The following CD2AP variants were observed in gnomAD, a reference collection of about 807,000 sequenced individuals.
CD2AP encodes the protein CD2 associated protein.
In CD2AP, 46 loss-of-function variants were observed where a neutral mutation model predicts 85.1. The observed-to-expected ratio is 0.54, with a 90% confidence interval of 0.43 to 0.69. CD2AP has a LOEUF of 0.69. Ranked by LOEUF, CD2AP falls within the 30% of genes least tolerant of loss-of-function variation. The pLI is 0.00. For missense variants in CD2AP, 769 were observed against 729.5 expected, an observed-to-expected ratio of 1.05 and a Z score of -0.62; for synonymous variants, 255 against 252.9, an observed-to-expected ratio of 1.01 and a Z score of -0.08.
chr6:47,620,916 T>G (rs1169559311), intron 17 of CD2AP, among the ~76,000 whole-genome samples: 1 of 152,206 alleles, frequency 6.6e-6, no homozygotes, highest in East Asian at 1.9e-4. Context: ...TTCGCTGAAT[T>G]GTTTTATCAG....
In CD2AP at chr6:47,538,051, A is replaced by G. The variant is rs115100602; in HGVS notation, c.319+4296A>G. On this transcript the variant is annotated intron_variant, in intron 3 of 17. Coordinates refer to ENST00000359314, the MANE Select transcript of CD2AP (RefSeq NM_012120.3). Reference sequence around the variant, plus strand: ...CAGACCCAAGCCACTGCTCCGGGCAAGAAAATTTTTTAAAAAGATACGACT... The same window carrying G: ...CAGACCCAAGCCACTGCTCCGGGCAGGAAAATTTTTTAAAAAGATACGACT... 7.9e-3 allele frequency among the ~76,000 whole-genome samples: 1,201 copies of G among 151,952 alleles called. 14 individuals are homozygous for G. Among genetic ancestry groups the G allele is most frequent in the African/African-American group, 0.027 (1,121 of 41,466 alleles).
chr6:47,515,161 A>T (rs899755810), intron 2 of CD2AP, among the ~76,000 whole-genome samples: 1 of 152,176 alleles, frequency 6.6e-6, no homozygotes, highest in African/African-American at 2.4e-5. Flanking sequence ...TGATAAAAAG[A>T]TAATTAGGCA....
intron 3 of CD2AP, among the ~76,000 whole-genome samples, chr6:47,537,424 T>G (rs1767081426): frequency 6.6e-6 from 1 of 152,124 alleles, no homozygotes; most frequent in South Asian, 2.1e-4. Context: ...CCCTACCCTC[T>G]TGAACAGGGT....
intron 13 of CD2AP, among the ~76,000 whole-genome samples, chr6:47,603,199 T>C (rs1348919361): frequency 6.6e-6 from 1 of 152,070 alleles, no homozygotes; most frequent in East Asian, 1.9e-4. Flanking sequence ...ATTAAAGACT[T>C]GTAAGTACCA....
intron 3 of CD2AP, among the ~76,000 whole-genome samples, chr6:47,538,647 G>A (rs995173727): frequency 2.0e-5 from 3 of 152,116 alleles, no homozygotes; most frequent in Non-Finnish European, 2.9e-5. Context: ...ACCAAAAATT[G>A]GGTCAAAAAT....
At chr6:47,568,373 T>C (rs1002933118) in intron 5 of CD2AP, among the ~76,000 whole-genome samples, 2 of 152,176 alleles carry the variant, frequency 1.3e-5, no homozygotes, top group Non-Finnish European at 2.9e-5. Flanking sequence ...GTCAGTTGTC[T>C]ATGGGTCTGA....
At chr6:47,596,084 G>A (rs1014208377) in intron 12 of CD2AP, 58 bp downstream of exon 12, 14 of 1,210,510 alleles carry the variant, frequency 1.2e-5, no homozygotes, top group Non-Finnish European at 1.7e-5. Flanking sequence ...GACCTTAATG[G>A]CTCTATTGCC....
chr6:47,574,210 A>G lies in CD2AP; in HGVS notation c.688A>G (p.Arg230Gly), dbSNP rs1582577571. 1 of 1,614,120 alleles carries G rather than the reference A, an allele frequency of 6.2e-7. No homozygotes were observed. The highest frequency in any genetic ancestry group is 1.1e-5 in the South Asian group (1 of 91,086). The change falls in exon 6 of 18, where the codon AGA becomes GGA. Residue 230 changes from arginine to glycine, a missense_variant. Transcript: ENST00000359314. ...AGAAGGCTCTGTGAAACTTCGGACAAGAACATCCAGTAGTGAAACAGAAGA... is the reference window on the plus strand; with the variant it reads ...AGAAGGCTCTGTGAAACTTCGGACAGGAACATCCAGTAGTGAAACAGAAGA... ...FKEGSVKLRT[R>G]TSSSETEEKK...
chr6:47,560,437 T>A (rs1373899960), intron 5 of CD2AP, among the ~76,000 whole-genome samples: 2 of 152,176 alleles, frequency 1.3e-5, no homozygotes, highest in Non-Finnish European at 2.9e-5. Flanking sequence ...TACATGGAAT[T>A]TATTTCCAGT....
At chr6:47,510,366 A>G (rs1256120521) in intron 2 of CD2AP, among the ~76,000 whole-genome samples, 2 of 152,164 alleles carry the variant, frequency 1.3e-5, no homozygotes, top group Admixed American at 6.5e-5. Flanking sequence ...TTGATTTCCA[A>G]ATACCATTCT....
rs778096477 is a variant in CD2AP, at chr6:47,599,261, T to A, written c.1275-40T>A. On this transcript the variant is annotated intron_variant, in intron 12 of 17. Transcript: ENST00000359314. ...ATCACAATTTAAAAAAAAGTCGTGT[T>A]TCATACTAGTGATTTTTGCGTGTTT... 5.7e-6 allele frequency: 9 copies of A among 1,581,322 alleles called. No homozygotes were observed. In the African/African-American group the frequency reaches 8.1e-5, roughly 14 times the overall value.
At chr6:47,610,265 A>C (rs1295227398) in intron 16 of CD2AP, among the ~76,000 whole-genome samples, 1 of 152,132 alleles carries the variant, frequency 6.6e-6, no homozygotes, top group Admixed American at 6.6e-5. Context: ...ACTTGTTCAC[A>C]TTTTAAGCAC....
chr6:47,541,608 T>A (rs963627571), intron 3 of CD2AP, among the ~76,000 whole-genome samples: 1 of 152,258 alleles, frequency 6.6e-6, no homozygotes, highest in African/African-American at 2.4e-5. Context: ...TGGTTGCATG[T>A]AGTGTGCTTC....
At chr6:47,536,378 T>C (rs560717635) in intron 3 of CD2AP, among the ~76,000 whole-genome samples, 1 of 152,280 alleles carries the variant, frequency 6.6e-6, no homozygotes, top group South Asian at 2.1e-4. Context: ...ACCATTGTAT[T>C]AACATAAGGT....
intron 17 of CD2AP, among the ~76,000 whole-genome samples, chr6:47,616,917 T>C (rs148147683): frequency 8.5e-5 from 13 of 152,308 alleles, no homozygotes; most frequent in African/African-American, 2.6e-4. Context: ...TAGATGATAC[T>C]ACATCCTATT....
chr6:47,623,808 T>C (rs986518623), intron 17 of CD2AP, among the ~76,000 whole-genome samples: 1 of 152,168 alleles, frequency 6.6e-6, no homozygotes, highest in African/African-American at 2.4e-5. Context: ...GTCTCTATTC[T>C]TTTTACTGTT....
chr6:47,550,525 A>G (rs1362897902), intron 4 of CD2AP, among the ~76,000 whole-genome samples: 1 of 151,784 alleles, frequency 6.6e-6, no homozygotes, highest in African/African-American at 2.4e-5. Flanking sequence ...AAGAATGACC[A>G]TTAAAAAAAA....
chr6:47,592,296 T>C lies in CD2AP; in HGVS notation c.1109-3565T>C, dbSNP rs568505867. Among the ~76,000 whole-genome samples, 10 of 152,242 alleles carry C rather than the reference T, an allele frequency of 6.6e-5. No homozygotes were observed. The South Asian group carries it at 1.9e-3, about 28-fold the overall frequency. On this transcript the variant is annotated intron_variant, in intron 11 of 17. Coordinates refer to ENST00000359314, the MANE Select transcript of CD2AP (RefSeq NM_012120.3). Reference sequence around the variant, plus strand: ...CATTCTAGTACTCACAGCTGGATGTTCTCAAAAGAATGAAGTTGGAGCCCT... The same window carrying C: ...CATTCTAGTACTCACAGCTGGATGTCCTCAAAAGAATGAAGTTGGAGCCCT...
chr6:47,528,532 G>A (rs1766786751), intron 2 of CD2AP, among the ~76,000 whole-genome samples: 1 of 152,186 alleles, frequency 6.6e-6, no homozygotes, highest in African/African-American at 2.4e-5. Flanking sequence ...CTGGATTAGA[G>A]TGTTATACAA....
Sources: allele counts gnomAD v4.1 joint callset (sites outside exome capture counted in the v4.1 genomes callset), GRCh38; gene constraint gnomAD v4.1.1; transcripts MANE v1.5; gene names NCBI Gene and HGNC (gene_info 2026-07-23, HGNC 2026-07-21).